The following FRMD4B variants were observed in gnomAD, a reference collection of about 807,000 sequenced individuals.
FRMD4B encodes FERM domain-containing protein 4B.
A neutral mutation model predicts 141.5 loss-of-function variants in FRMD4B; 74 were observed. The observed-to-expected ratio is 0.52, with a 90% CI of 0.43 to 0.63. The LOEUF (loss-of-function observed/expected upper bound fraction) is 0.63. FRMD4B is among the 30% of genes least tolerant of loss of function. The pLI is 0.00. For synonymous variants in FRMD4B, 506 were observed against 467.9 expected (o/e 1.08, Z -1.05); for missense variants, 1,366 against 1,253.4 (o/e 1.09, Z -1.36).
upstream of FRMD4B, among the ~76,000 whole-genome samples, chr3:69,390,761 T>C (rs1172191207): frequency 1.3e-5 from 2 of 152,082 alleles, no homozygotes; most frequent in African/African-American, 4.8e-5. Context: ...GGAGTAGTGG[T>C]GTGTACCTGT....
chr3:69,423,767 C>A (rs917993128), intron 2 of FRMD4B, among the ~76,000 whole-genome samples: 1 of 152,022 alleles, frequency 6.6e-6, no homozygotes, highest in African/African-American at 2.4e-5. Flanking sequence ...TGAGAAGGTG[C>A]CATTTATGAA....
chr3:69,176,572 T>C lies in FRMD4B; in HGVS notation c.2936A>G (p.Tyr979Cys). 6.2e-7 allele frequency: 1 copy of C among 1,611,374 alleles called. No homozygotes were observed. The highest frequency in any genetic ancestry group is 1.1e-5 in the South Asian group (1 of 91,036). ...ATAGACATTGCCATAGCAGCTGGTG[T>C]AAGAAGAATGTGCTGGAGTCTCGTA... ...SDYETPAHSSYTSCYGNVYNP... is the reference protein window; with the variant it reads ...SDYETPAHSSCTSCYGNVYNP... Residue 979 changes from tyrosine to cysteine, a missense_variant, in exon 22 of 23, where the codon TAC becomes TGC. Coordinates refer to ENST00000398540, the MANE Select transcript of FRMD4B (RefSeq NM_015123.3).
chr3:69,422,622 T>C (rs930767637), intron 2 of FRMD4B, among the ~76,000 whole-genome samples: 2 of 152,186 alleles, frequency 1.3e-5, no homozygotes, highest in Admixed American at 6.5e-5. Context: ...ATGATCACTA[T>C]GGCAATTATT....
At chr3:69,346,380 G>A (rs1702942026) in intron 1 of FRMD4B, among the ~76,000 whole-genome samples, 2 of 152,122 alleles carry the variant, frequency 1.3e-5, no homozygotes, top group Non-Finnish European at 2.9e-5. Flanking sequence ...GTGACGGGGA[G>A]AATGGAACCA....
intron 1 of FRMD4B, among the ~76,000 whole-genome samples, chr3:69,368,853 G>A (rs564491418): frequency 8.5e-5 from 13 of 152,108 alleles, no homozygotes; most frequent in Non-Finnish European, 1.9e-4. Context: ...TAGAGATGAG[G>A]TTTGACCATG....
chr3:69,433,182 A>G (rs570515950), intron 1 of FRMD4B: 4 of 152,330 alleles, frequency 2.6e-5, no homozygotes, highest in Admixed American at 2.6e-4. Context: ...CCAGAATGGC[A>G]TTCCTGAATC....
At chr3:69,516,778 ATAAT>A (rs1293126089) in intron 1 of FRMD4B, among the ~76,000 whole-genome samples, 5 of 152,228 alleles carry the variant, frequency 3.3e-5, no homozygotes, top group African/African-American at 1.2e-4. Flanking sequence ...TCTCTAAGCA[ATAAT>A]TAATCATCAG....
At chr3:69,258,371 T>G (rs1244257984) in intron 5 of FRMD4B, among the ~76,000 whole-genome samples, 1 of 152,226 alleles carries the variant, frequency 6.6e-6, no homozygotes, top group Non-Finnish European at 1.5e-5. Flanking sequence ...ACTCATGTAA[T>G]CATCACCCAG....
intron 2 of FRMD4B, among the ~76,000 whole-genome samples, chr3:69,416,184 T>C (rs370856692): frequency 3.3e-4 from 50 of 152,298 alleles, no homozygotes; most frequent in African/African-American, 7.0e-4. Context: ...TCCCCAAAGA[T>C]GCAAAGCAGG....
chr3:69,182,277 A>G (rs2092716355), intron 20 of FRMD4B, among the ~76,000 whole-genome samples: 1 of 152,220 alleles, frequency 6.6e-6, no homozygotes. Context: ...AATCCAGTGA[A>G]TATAAAACAT....
At chr3:69,435,194 A>T (rs1374858199) in intron 1 of FRMD4B, among the ~76,000 whole-genome samples, 1 of 152,254 alleles carries the variant, frequency 6.6e-6, no homozygotes, top group Non-Finnish European at 1.5e-5. Flanking sequence ...AATTCAGCCC[A>T]TAACACTCAC....
intron 5 of FRMD4B, 75 bp downstream of exon 5, chr3:69,287,673 AAGAG>A: frequency 1.3e-6 from 1 of 744,282 alleles, no homozygotes; most frequent in South Asian, 1.6e-5. Context: ...TGAATGCAAG[AAGAG>A]AGGCAAAACC....
At chr3:69,316,138 C>G (rs1182566323) in intron 1 of FRMD4B, among the ~76,000 whole-genome samples, 1 of 152,262 alleles carries the variant, frequency 6.6e-6, no homozygotes, top group South Asian at 2.1e-4. Context: ...TGAAAACTAG[C>G]TCAGCTGGTT....
chr3:69,187,566 T>TAC (rs1465491564), intron 19 of FRMD4B, among the ~76,000 whole-genome samples: 6 of 146,014 alleles, frequency 4.1e-5, no homozygotes, highest in African/African-American at 1.5e-4. Context: ...TATATATATA[T>TAC]ACATATATAT....
intron 1 of FRMD4B, among the ~76,000 whole-genome samples, chr3:69,381,434 C>T (rs1253047985): frequency 6.6e-6 from 1 of 152,152 alleles, no homozygotes; most frequent in Non-Finnish European, 1.5e-5. Context: ...ACCTCCCTTC[C>T]CACCCTATTT....
At chr3:69,385,323 C>G (rs1203977131) in intron 1 of FRMD4B, among the ~76,000 whole-genome samples, 2 of 152,050 alleles carry the variant, frequency 1.3e-5, no homozygotes, top group African/African-American at 4.8e-5. Flanking sequence ...AGCCAGTAGA[C>G]ACAGAATCAG....
intron 2 of FRMD4B, among the ~76,000 whole-genome samples, chr3:69,410,726 A>AATAAATAT (rs1559519781): frequency 4.5e-4 from 39 of 86,222 alleles, no homozygotes; most frequent in African/African-American, 7.4e-4. Flanking sequence ...TAAATAAATA[A>AATAAATAT]ATATATATAT....
chr3:69,522,655 A>G (rs1242601844), intron 1 of FRMD4B, among the ~76,000 whole-genome samples: 2 of 152,176 alleles, frequency 1.3e-5, no homozygotes, highest in African/African-American at 4.8e-5. Flanking sequence ...TGCATGTCCA[A>G]GCTAAAGCAC....
chr3:69,209,013 G>T (rs1022400361), intron 11 of FRMD4B, among the ~76,000 whole-genome samples: 1 of 151,986 alleles, frequency 6.6e-6, no homozygotes, highest in Admixed American at 6.6e-5. Flanking sequence ...GCGTGGTGGC[G>T]TGCGCCTGTA....
Sources: allele counts gnomAD v4.1 joint callset (sites outside exome capture counted in the v4.1 genomes callset), GRCh38; gene constraint gnomAD v4.1.1; transcripts MANE v1.5; gene names NCBI Gene and HGNC (gene_info 2026-07-23, HGNC 2026-07-21).